Variants in CPS1 observed in about 807,000 individuals in gnomAD.
The protein encoded by CPS1 is carbamoyl-phosphate synthase 1.
In CPS1, 109 loss-of-function variants were observed where a neutral mutation model predicts 174.6. The observed-to-expected ratio is 0.62, with a 90% CI of 0.53 to 0.73. The LOEUF (loss-of-function observed/expected upper bound fraction) is 0.73. CPS1 is among the 30% of genes least tolerant of loss of function. CPS1 has a pLI of 0.00. For synonymous variants in CPS1, 637 were observed against 632.0 expected, an observed-to-expected ratio of 1.01 and a Z score of -0.12; for missense variants, 1,689 against 1,821.9, an observed-to-expected ratio of 0.93 and a Z score of 1.33.
intron 25 of CPS1, among the ~76,000 whole-genome samples, chr2:210,643,686 A>G (rs193239225): frequency 6.6e-5 from 10 of 152,292 alleles, no homozygotes; most frequent in Admixed American, 6.5e-4. Flanking sequence ...CTATTACAAA[A>G]GAAAGTAGAC....
chr2:210,586,386 A>G (rs1698109370), intron 6 of CPS1, among the ~76,000 whole-genome samples: 1 of 152,022 alleles, frequency 6.6e-6, no homozygotes, highest in Non-Finnish European at 1.5e-5. Context: ...CTTGTTTTAC[A>G]TATTTCCCTG....
At chr2:210,630,079 CAAAAAAACAAAACAAAAA>C (rs1447231831) in intron 21 of CPS1, among the ~76,000 whole-genome samples, 3 of 104,968 alleles carry the variant, frequency 2.9e-5, no homozygotes, top group Non-Finnish European at 4.3e-5. Context: ...TCTCAAAAAA[CAAAAAAACAAAACAAAAA>C]AAAAAAACAA....
At chr2:210,528,115 G>A (rs145479641) in intron 1 of CPS1, among the ~76,000 whole-genome samples, 3 of 151,882 alleles carry the variant, frequency 2.0e-5, no homozygotes, top group South Asian at 2.1e-4. Context: ...CCCTGTTTGT[G>A]GAGACTTGAA....
intron 16 of CPS1, chr2:210,604,860 G>T: frequency 6.1e-6 from 3 of 493,150 alleles, no homozygotes; most frequent in Non-Finnish European, 7.4e-6. Flanking sequence ...TTGATTTACT[G>T]TCATATCAGC....
rs760971703 is a variant in CPS1, at chr2:210,675,680, T to A, written c.4162-48T>A. ...TTTTAAATTACATGTTCCATAAAAA[T>A]AAGAAATCACTGTGATACGGTAATT... is the stretch of plus-strand genomic sequence containing the variant. On this transcript the variant is annotated intron_variant, in intron 35 of 37. Coordinates refer to ENST00000233072, the MANE Select transcript of CPS1 (RefSeq NM_001875.5). 3.0e-4 allele frequency: 265 copies of A among 897,924 alleles called. 2 individuals carry two copies. The highest frequency in any genetic ancestry group is 1.7e-5 in the Admixed American group (1 of 58,436). The allele number at this position is 897,924 out of a possible 1,614,324, so 55.6% of individuals were successfully genotyped here.
intron 1 of CPS1, among the ~76,000 whole-genome samples, chr2:210,561,704 G>A (rs947595637): frequency 5.9e-5 from 9 of 152,114 alleles, no homozygotes; most frequent in African/African-American, 4.8e-5. Context: ...AAAGCTGCGC[G>A]GGCCAAGGTC....
At chr2:210,549,624 C>A (rs1422299616) in intron 1 of CPS1, among the ~76,000 whole-genome samples, 1 of 151,830 alleles carries the variant, frequency 6.6e-6, no homozygotes, top group African/African-American at 2.4e-5. Flanking sequence ...AGCTTTAGAT[C>A]AAATATTAAA....
At chr2:210,616,870 A>G (rs1486675525) in intron 21 of CPS1, among the ~76,000 whole-genome samples, 2 of 151,992 alleles carry the variant, frequency 1.3e-5, no homozygotes. Flanking sequence ...CTAGATTTAA[A>G]TTTTATTAAT....
At position 210,656,506 on chromosome 2, in the gene CPS1, T is replaced by C; in HGVS notation, c.3559-19T>C. 2 of 928,934 alleles carry C rather than the reference T, an allele frequency of 2.2e-6. No individual in the cohort carries two copies. Among genetic ancestry groups the C allele is most frequent in the Non-Finnish European group, 1.5e-6 (1 of 675,852 alleles). The allele number at this position is 928,934 out of a possible 1,614,324, so 57.5% of individuals were successfully genotyped here. On this transcript the variant is annotated intron_variant, in intron 29 of 37. Coordinates refer to ENST00000233072, the MANE Select transcript of CPS1 (RefSeq NM_001875.5). ...CCTGAAAACTTTTTCTAAAATCCTT[T>C]TTTTTTTTTTTTGGCCAGGTTATCT...
rs1048616431 is a variant in CPS1, at chr2:210,675,484, CAT to C, written c.4162-240_4162-239del. On this transcript the variant is annotated intron_variant, in intron 35 of 37. Coordinates refer to ENST00000233072, the MANE Select transcript of CPS1 (RefSeq NM_001875.5). ...ATTGAATTATTAAATTCAAATTAAA[CAT>C]ATAATTATTAAAATGGAAATGCAAA... 2.0e-5 allele frequency among the ~76,000 whole-genome samples: 3 copies of C among 152,222 alleles called. No individual in the cohort carries two copies. In the East Asian group the frequency reaches 5.8e-4, roughly 29 times the overall value.
chr2:210,612,237 G>C lies in CPS1; in HGVS notation c.2512G>C (p.Asp838His), dbSNP rs746628905. Residue 838 changes from aspartate to histidine, a missense_variant, in exon 20 of 38, where the codon GAT (aspartate) becomes CAT (histidine). Coordinates refer to ENST00000233072, the MANE Select transcript of CPS1 (RefSeq NM_001875.5). ...GAACAAAGAATGGCCATCTAATTTA[G>C]ATCTTAGAAAAGAGTTGTCTGAACC... is the stretch of plus-strand genomic sequence containing the variant. ...PMNKEWPSNL[D>H]LRKELSEPSS... is the part of the protein sequence containing the mutation. 8.7e-5 allele frequency: 141 copies of C among 1,612,032 alleles called. No individual in the cohort carries two copies. The highest frequency in any genetic ancestry group is 1.1e-4 in the Non-Finnish European group (135 of 1,178,848).
intron 1 of CPS1, among the ~76,000 whole-genome samples, chr2:210,496,240 A>G (rs944495845): frequency 1.3e-5 from 2 of 151,638 alleles, no homozygotes; most frequent in East Asian, 3.9e-4. Context: ...ACATTTTACT[A>G]TGTAAGGAAT....
chr2:210,618,662 G>A (rs985539528), intron 21 of CPS1: 4 of 152,044 alleles, frequency 2.6e-5, no homozygotes, highest in African/African-American at 7.2e-5. Flanking sequence ...TGGCACATAG[G>A]GGTCTGAAGT....
chr2:210,660,932 A>G (rs1291321191), intron 32 of CPS1, among the ~76,000 whole-genome samples: 1 of 152,212 alleles, frequency 6.6e-6, no homozygotes, highest in Non-Finnish European at 1.5e-5. Context: ...CTGACACATG[A>G]TGGTGCTAGT....
chr2:210,510,205 C>T (rs1695422800), intron 1 of CPS1, among the ~76,000 whole-genome samples: 1 of 152,006 alleles, frequency 6.6e-6, no homozygotes, highest in South Asian at 2.1e-4. Context: ...CAGAACAGAG[C>T]CCTCAGAAAT....
At chr2:210,631,915 T>G (rs928459273) in intron 21 of CPS1, among the ~76,000 whole-genome samples, 1 of 152,220 alleles carries the variant, frequency 6.6e-6, no homozygotes, top group African/African-American at 2.4e-5. Context: ...ATTATGCATA[T>G]TTTAAAATTG....
chr2:210,610,884 T>C (rs905771511), intron 19 of CPS1, among the ~76,000 whole-genome samples: 1 of 151,832 alleles, frequency 6.6e-6, no homozygotes, highest in Admixed American at 6.6e-5. Context: ...ATATAGATTG[T>C]GCTTAAGAAT....
chr2:210,625,067 A>G (rs1574609220), intron 21 of CPS1, among the ~76,000 whole-genome samples: 1 of 152,080 alleles, frequency 6.6e-6, no homozygotes, highest in Non-Finnish European at 1.5e-5. Context: ...AGGAGCTGGT[A>G]TTAGACCAAA....
chr2:210,524,308 G>A (rs1483240574), intron 1 of CPS1, among the ~76,000 whole-genome samples: 1 of 151,836 alleles, frequency 6.6e-6, no homozygotes, highest in Non-Finnish European at 1.5e-5. Context: ...ATGATATCTA[G>A]CTAGTGTAAC....
Sources: allele counts gnomAD v4.1 joint callset (sites outside exome capture counted in the v4.1 genomes callset), GRCh38; gene constraint gnomAD v4.1.1; transcripts MANE v1.5; gene names NCBI Gene and HGNC (gene_info 2026-07-23, HGNC 2026-07-21).